CRTAC1: variants seen among roughly 807,000 people sequenced by gnomAD.
CRTAC1 encodes cartilage acidic protein 1.
CRTAC1 carries 37 observed loss-of-function variants against 67.8 expected under a neutral mutation model. The ratio of observed to expected loss-of-function variants is 0.55; its 90% CI spans 0.42 to 0.72. CRTAC1 has a LOEUF of 0.72. Among genes scored for constraint, CRTAC1 ranks in the 30% least tolerant of loss-of-function variants. The pLI, the probability that CRTAC1 is intolerant of heterozygous loss-of-function variation, is 0.00. For synonymous variants in CRTAC1, 348 were observed against 371.0 expected, an observed-to-expected ratio of 0.94 and a Z score of 0.71; for missense variants, 780 against 931.6, an observed-to-expected ratio of 0.84 and a Z score of 2.12.
chr10:97,887,930 G>T (rs2136546050), intron 11 of CRTAC1, among the ~76,000 whole-genome samples: 1 of 152,374 alleles, frequency 6.6e-6, no homozygotes, highest in Non-Finnish European at 1.5e-5. Context: ...TGTACCAAGT[G>T]CTTTATGATG....
intron 12 of CRTAC1, among the ~76,000 whole-genome samples, chr10:97,883,869 T>C (rs1375633968): frequency 6.6e-6 from 1 of 152,200 alleles, no homozygotes. Context: ...GCAACAGACC[T>C]GGGGTCATTT....
intron 11 of CRTAC1, among the ~76,000 whole-genome samples, chr10:97,891,406 T>A (rs1412252989): frequency 6.6e-6 from 1 of 152,234 alleles, no homozygotes; most frequent in African/African-American, 2.4e-5. Context: ...CGTCCACCCC[T>A]TCTAAGCTCC....
chr10:97,909,986 A>G (rs190225597), intron 5 of CRTAC1, among the ~76,000 whole-genome samples: 6 of 151,792 alleles, frequency 4.0e-5, no homozygotes, highest in African/African-American at 7.2e-5. Context: ...TCTCACTTAT[A>G]TGTGGAATCT....
At chr10:97,909,361 G>T (rs1472887336) in intron 5 of CRTAC1, among the ~76,000 whole-genome samples, 1 of 152,098 alleles carries the variant, frequency 6.6e-6, no homozygotes, top group East Asian at 1.9e-4. Flanking sequence ...ATCAAGACAC[G>T]GCTTCTAGCC....
chr10:97,949,283 G>T (rs188924670), intron 2 of CRTAC1, among the ~76,000 whole-genome samples: 2 of 152,360 alleles, frequency 1.3e-5, no homozygotes, highest in East Asian at 1.9e-4. Flanking sequence ...AATGTGAGCT[G>T]CTGTGAGCAG....
At chr10:97,903,027 T>C (rs183068163) in intron 7 of CRTAC1, among the ~76,000 whole-genome samples, 8 of 151,962 alleles carry the variant, frequency 5.3e-5, no homozygotes, top group Admixed American at 5.2e-4. Context: ...ATTCGATGCC[T>C]GAGCTTCCGA....
chr10:97,947,113 G>C (rs150164814), intron 2 of CRTAC1, among the ~76,000 whole-genome samples: 6 of 152,338 alleles, frequency 3.9e-5, no homozygotes, highest in African/African-American at 9.6e-5. Context: ...TTTAGGGACA[G>C]AATAGTTGGG....
chr10:98,019,656 C>T (rs1306328630), intron 1 of CRTAC1, among the ~76,000 whole-genome samples: 3 of 152,192 alleles, frequency 2.0e-5, no homozygotes, highest in Non-Finnish European at 4.4e-5. Context: ...GAACTGGGAT[C>T]AAAGAGCCCT....
chr10:97,923,411 G>A lies in CRTAC1; in HGVS notation c.422-11C>T, dbSNP rs1465956284. 2 of 1,614,104 alleles carry A rather than the reference G, an allele frequency of 1.2e-6. No homozygotes were observed. The highest frequency in any genetic ancestry group is 1.7e-6 in the Non-Finnish European group (2 of 1,180,020). On this transcript the variant is annotated splice_polypyrimidine_tract_variant and intron_variant, in intron 3 of 14. Coordinates refer to ENST00000370597, the MANE Select transcript of CRTAC1 (RefSeq NM_018058.7). ...TGTACGTGGCCACCCCTGGAGAGAG[G>A]AGGAAAGGGAGGGCTGGTGGACAGT... is the stretch of plus-strand genomic sequence containing the variant.
Position 97,895,820 on chromosome 10 carries a change from C to T in CRTAC1, c.1317+65G>A, listed in dbSNP as rs1011673067. 4.3e-6 allele frequency: 6 copies of T among 1,399,084 alleles called. No homozygotes were observed. Among genetic ancestry groups the T allele is most frequent in the Non-Finnish European group, 1.0e-6 (1 of 992,144 alleles). The allele number at this position is 1,399,084 out of a possible 1,614,324, so 86.7% of individuals were successfully genotyped here. Reference sequence around the variant, plus strand: ...AGCCAGCACCCCGGCACCTTGCCCTCACCAACTCAAGGTACCCGAGAGCAC... The same window carrying T: ...AGCCAGCACCCCGGCACCTTGCCCTTACCAACTCAAGGTACCCGAGAGCAC... On this transcript the variant is annotated intron_variant, in intron 10 of 14. Transcript: ENST00000370597. This position sits in a 1 kb window ranked among gnomAD's most constrained non-coding sequence, Gnocchi z 4.2.
chr10:97,882,291 G>A (rs1257411890), intron 13 of CRTAC1, among the ~76,000 whole-genome samples: 6 of 152,314 alleles, frequency 3.9e-5, no homozygotes, highest in Admixed American at 2.0e-4. Context: ...GACCGTCAAG[G>A]AGCTGCCATC....
At chr10:97,925,489 ATGAG>A in intron 3 of CRTAC1, among the ~76,000 whole-genome samples, 1 of 151,308 alleles carries the variant, frequency 6.6e-6, no homozygotes, top group East Asian at 2.0e-4. Flanking sequence ...GAGAGTGGGC[ATGAG>A]TGAGTGAGAA....
chr10:97,985,604 G>A (rs189738960), intron 2 of CRTAC1, among the ~76,000 whole-genome samples: 6 of 152,230 alleles, frequency 3.9e-5, no homozygotes, highest in East Asian at 1.9e-4. Flanking sequence ...TGGATGAGCC[G>A]GGGCATGCAT....
At chr10:97,918,457 C>G (rs1343479832) in intron 4 of CRTAC1, among the ~76,000 whole-genome samples, 1 of 152,224 alleles carries the variant, frequency 6.6e-6, no homozygotes. Context: ...GATCCACACA[C>G]TTTCTAAATC....
chr10:97,987,770 G>A (rs755614270), intron 2 of CRTAC1, among the ~76,000 whole-genome samples: 81 of 152,320 alleles, frequency 5.3e-4, no homozygotes, highest in Admixed American at 1.8e-3. Context: ...ATACACATAG[G>A]TGCTCAATAA....
In CRTAC1 at chr10:98,002,761, C is replaced by CTTTTT. The variant is rs531021933; in HGVS notation, c.224+8372_224+8376dup. ...TTTTAGGAATTCTTTACAAAACTCA[C>CTTTTT]TTTTTTTTTTTTTTTTTTTTTTTTT... On this transcript the variant is annotated intron_variant, in intron 2 of 14. Coordinates refer to ENST00000370597, the MANE Select transcript of CRTAC1 (RefSeq NM_018058.7). Among the ~76,000 whole-genome samples, 20 of 37,294 alleles carry CTTTTT rather than the reference C, an allele frequency of 5.4e-4. 7 individuals are homozygous for CTTTTT. The highest frequency in any genetic ancestry group is 1.1e-3 in the Non-Finnish European group (19 of 17,198). 24.5% of individuals were successfully genotyped at this position (37,294 alleles called of 152,430 possible). A position where few individuals can be genotyped will look rare whatever the true frequency, so the allele number is the denominator to read the frequency against.
chr10:97,905,906 G>A (rs1459789230), intron 6 of CRTAC1, among the ~76,000 whole-genome samples: 1 of 152,176 alleles, frequency 6.6e-6, no homozygotes, highest in Admixed American at 6.6e-5. Flanking sequence ...CAGAGCGATG[G>A]GCTGACCTCC....
At chr10:97,982,105 A>G (rs2051901120) in intron 2 of CRTAC1, among the ~76,000 whole-genome samples, 1 of 152,208 alleles carries the variant, frequency 6.6e-6, no homozygotes, top group African/African-American at 2.4e-5. Flanking sequence ...AGAAAAATTC[A>G]GAAACCATAA....
At position 97,895,982 on chromosome 10, in the gene CRTAC1, C is replaced by A; in HGVS notation, c.1220G>T (p.Gly407Val). Residue 407 changes from glycine to valine, a missense_variant, in exon 10 of 15, where the codon GGT (glycine) becomes GTT (valine). Physicochemically the swap from Gly to Val is moderately radical, Grantham distance 109 (BLOSUM62 -3). Transcript: ENST00000370597. This position sits in a 1 kb window ranked among gnomAD's most constrained non-coding sequence, Gnocchi z 4.2. ...GTCTCCGTCGAAGTCGGTCACCACA[C>A]CCCCTACAAACAATGCAGATTTCAC... ...ALEPEGRGTG[G>V]VVTDFDGDGM... 1 of 1,613,772 alleles carries A rather than the reference C, an allele frequency of 6.2e-7. No individual in the cohort carries two copies.
Sources: allele counts gnomAD v4.1 joint callset (sites outside exome capture counted in the v4.1 genomes callset), GRCh38; gene constraint gnomAD v4.1.1; non-coding constraint Gnocchi (gnomAD v3.1); transcripts MANE v1.5; gene names NCBI Gene and HGNC (gene_info 2026-07-23, HGNC 2026-07-21).